Variants in KCNAB1 observed in about 807,000 individuals in gnomAD.
KCNAB1 encodes voltage-gated potassium channel subunit beta-1.
Under a neutral mutation model 64.6 loss-of-function variants are expected in KCNAB1, and 35 were observed. That is an observed-to-expected ratio of 0.54 (90% CI 0.41 to 0.72). The LOEUF is 0.72. KCNAB1 is among the 30% of genes least tolerant of loss of function. The pLI, the probability that KCNAB1 is intolerant of heterozygous loss-of-function variation, is 0.00. For synonymous variants in KCNAB1, 177 were observed against 183.8 expected (o/e 0.96, Z 0.30); for missense variants, 401 against 512.9 (o/e 0.78, Z 2.11).
intron 1 of KCNAB1, among the ~76,000 whole-genome samples, chr3:156,153,501 A>G (rs112539874): frequency 3.3e-5 from 5 of 152,346 alleles, no homozygotes; most frequent in African/African-American, 1.2e-4. Flanking sequence ...GTGCCCAGAC[A>G]TTTGGTCAAA....
In KCNAB1 at chr3:156,452,782, C is replaced by T; in HGVS notation, c.320-117C>T. The T allele has an allele frequency of 2.9e-6, 2 of 697,026 alleles. No homozygotes were observed. The highest frequency in any genetic ancestry group is 4.7e-5 in the Admixed American group (2 of 42,208). 43.2% of individuals were successfully genotyped at this position (697,026 alleles called of 1,614,324 possible). On this transcript the variant is annotated intron_variant, in intron 2 of 13. Coordinates refer to ENST00000490337, the MANE Select transcript of KCNAB1 (RefSeq NM_172160.3). The surrounding 1 kb of genome is among the most constrained non-coding windows in gnomAD (Gnocchi z 4.6). ...CCCACATGTGCCCCTCATCCAGGTA[C>T]CTTTGTGAACTACCCATACAACCTA... is the stretch of plus-strand genomic sequence containing the variant.
At chr3:156,262,600 AC>A (rs1353830074) in intron 1 of KCNAB1, among the ~76,000 whole-genome samples, 1 of 151,848 alleles carries the variant, frequency 6.6e-6, no homozygotes, top group Non-Finnish European at 1.5e-5. Flanking sequence ...AAGGATTTTT[AC>A]ATTTATGTTC....
In KCNAB1 at chr3:156,337,596, C is replaced by T. The variant is rs150311405; in HGVS notation, c.276-84020C>T. ...CATTCAGAGTGTGAAAGTACATTCACTGTGTGTGGTTGATAGTACATTTCA... is the reference window on the plus strand; with the variant it reads ...CATTCAGAGTGTGAAAGTACATTCATTGTGTGTGGTTGATAGTACATTTCA... On this transcript the variant is annotated intron_variant, in intron 1 of 13. Coordinates refer to ENST00000490337, the MANE Select transcript of KCNAB1 (RefSeq NM_172160.3). 2.2e-3 allele frequency among the ~76,000 whole-genome samples: 335 copies of T among 152,278 alleles called. 2 individuals are homozygous for T. Among genetic ancestry groups the T allele is most frequent in the African/African-American group, 7.6e-3 (317 of 41,542 alleles).
chr3:156,458,235 T>C (rs1712600613), intron 4 of KCNAB1, among the ~76,000 whole-genome samples: 1 of 152,196 alleles, frequency 6.6e-6, no homozygotes, highest in Admixed American at 6.5e-5. Flanking sequence ...CAGGGCTTGT[T>C]AAACCAGAAC....
chr3:156,517,093 C>T (rs148819109), intron 11 of KCNAB1, among the ~76,000 whole-genome samples: 235 of 152,320 alleles, frequency 1.5e-3, no homozygotes, highest in Non-Finnish European at 2.3e-3. Flanking sequence ...AAATTACTCT[C>T]TATTGTCAAG....
intron 1 of KCNAB1, among the ~76,000 whole-genome samples, chr3:156,253,724 G>A (rs2108468517): frequency 6.6e-6 from 1 of 152,332 alleles, no homozygotes. Context: ...TGGGCTGGCA[G>A]TGTCAACATC....
chr3:156,383,103 G>T (rs1345653962), intron 1 of KCNAB1, among the ~76,000 whole-genome samples: 1 of 152,214 alleles, frequency 6.6e-6, no homozygotes. Flanking sequence ...GCCCTTGTCA[G>T]GTCTTTCTGA....
intron 1 of KCNAB1, among the ~76,000 whole-genome samples, chr3:156,380,629 C>T (rs1712080560): frequency 6.6e-6 from 1 of 152,116 alleles, no homozygotes; most frequent in Non-Finnish European, 1.5e-5. Context: ...GAAGCCATTA[C>T]TAAATTTGGT....
intron 1 of KCNAB1, among the ~76,000 whole-genome samples, chr3:156,124,297 A>AC (rs1713520527): frequency 6.6e-6 from 1 of 151,156 alleles, no homozygotes; most frequent in South Asian, 2.1e-4. Context: ...GCTCACTGCA[A>AC]CCTCCGCCTC....
At chr3:156,214,878 T>C (rs1396842388) in intron 1 of KCNAB1, among the ~76,000 whole-genome samples, 1 of 152,192 alleles carries the variant, frequency 6.6e-6, no homozygotes, top group East Asian at 1.9e-4. Context: ...ACGAAACACA[T>C]CAGGCTGTCG....
intron 8 of KCNAB1, among the ~76,000 whole-genome samples, chr3:156,506,593 C>T (rs35599031): frequency 0.067 from 10,212 of 152,196 alleles, 387 homozygotes; most frequent in South Asian, 0.1. Flanking sequence ...GCATTGCCTT[C>T]AGAGACATAA....
intron 1 of KCNAB1, among the ~76,000 whole-genome samples, chr3:156,247,830 G>T (rs1206631921): frequency 6.6e-6 from 1 of 152,144 alleles, no homozygotes; most frequent in Non-Finnish European, 1.5e-5. Flanking sequence ...CTCCCAAAGT[G>T]CTGAGATTAC....
At chr3:156,522,470 G>C (rs1233710756) in intron 11 of KCNAB1, among the ~76,000 whole-genome samples, 3 of 152,086 alleles carry the variant, frequency 2.0e-5, no homozygotes, top group Non-Finnish European at 4.4e-5. Context: ...AGATGCTCCA[G>C]GCCACTCTTC....
intron 2 of KCNAB1, among the ~76,000 whole-genome samples, chr3:156,448,010 T>C (rs1468703256): frequency 2.0e-5 from 3 of 152,238 alleles, no homozygotes; most frequent in Non-Finnish European, 4.4e-5. Flanking sequence ...GTAACCAAGA[T>C]AGATGTGTGT....
At chr3:156,207,751 G>A (rs1714756007) in intron 1 of KCNAB1, among the ~76,000 whole-genome samples, 1 of 152,184 alleles carries the variant, frequency 6.6e-6, no homozygotes, top group South Asian at 2.1e-4. Context: ...ATTCAAGCAG[G>A]TCTTCCCGTT....
intron 1 of KCNAB1, among the ~76,000 whole-genome samples, chr3:156,368,143 T>A (rs993635048): frequency 6.6e-6 from 1 of 152,228 alleles, no homozygotes; most frequent in African/African-American, 2.4e-5. Context: ...AAACCGTGAA[T>A]AATTTTCCAG....
intron 2 of KCNAB1, among the ~76,000 whole-genome samples, chr3:156,436,652 T>G (rs1486877924): frequency 2.0e-5 from 3 of 152,264 alleles, no homozygotes; most frequent in Non-Finnish European, 4.4e-5. Context: ...TGATTTGCTT[T>G]TCTCTAATGA....
chr3:156,429,674 C>A (rs1190805557), intron 2 of KCNAB1, among the ~76,000 whole-genome samples: 1 of 152,278 alleles, frequency 6.6e-6, no homozygotes, highest in East Asian at 1.9e-4. Flanking sequence ...TTTTATGACA[C>A]CCTTCATGAT....
intron 1 of KCNAB1, among the ~76,000 whole-genome samples, chr3:156,319,604 C>T (rs1333389936): frequency 6.6e-6 from 1 of 152,216 alleles, no homozygotes; most frequent in African/African-American, 2.4e-5. Context: ...TTGATTACCA[C>T]ACACAACTTC....
Sources: gnomAD v4.1 joint callset for allele counts (sites outside exome capture counted in the v4.1 genomes callset) on GRCh38, gnomAD v4.1.1 for gene constraint, Gnocchi (gnomAD v3.1) non-coding constraint, MANE v1.5 for transcripts, NCBI Gene and HGNC (gene_info 2026-07-23, HGNC 2026-07-21) for gene names.